The following TENM3 variants were observed in gnomAD, a reference collection of about 807,000 sequenced individuals.
The protein encoded by TENM3 is teneurin-3.
Under a neutral mutation model 255.1 loss-of-function variants are expected in TENM3, and 63 were observed. The observed-to-expected ratio is 0.25, with a 90% CI of 0.20 to 0.30. The LOEUF (loss-of-function observed/expected upper bound fraction) is 0.30. Ranked by LOEUF, TENM3 falls within the 10% of genes least tolerant of loss-of-function variation. The probability of loss-of-function intolerance (pLI) is 1.00; values close to 1 mark genes in which losing one functional copy is unlikely to be tolerated. For missense variants in TENM3, 2,929 were observed against 3,461.1 expected, an observed-to-expected ratio of 0.85 and a Z score of 3.86; for synonymous variants, 1,306 against 1,322.3, an observed-to-expected ratio of 0.99 and a Z score of 0.27.
intron 1 of TENM3, among the ~76,000 whole-genome samples, chr4:182,177,596 G>A (rs1329889122): frequency 7.3e-6 from 1 of 137,406 alleles, no homozygotes; most frequent in African/African-American, 2.5e-5. Flanking sequence ...GACATATTTG[G>A]CATACATATA....
At chr4:182,169,037 A>G (rs1359309191) in intron 1 of TENM3, among the ~76,000 whole-genome samples, 1 of 151,734 alleles carries the variant, frequency 6.6e-6, no homozygotes, top group Admixed American at 6.6e-5. Context: ...ATGAGGGAAA[A>G]CGTATATGGA....
At chr4:182,497,853 T>C (rs973266663) in intron 3 of TENM3, among the ~76,000 whole-genome samples, 2 of 12,860 alleles carry the variant, frequency 1.6e-4, no homozygotes, top group Non-Finnish European at 8.8e-4. Flanking sequence ...AATACATATA[T>C]ATATATATAT....
chr4:182,646,814 G>A (rs1035528906), intron 5 of TENM3, among the ~76,000 whole-genome samples: 4 of 152,060 alleles, frequency 2.6e-5, no homozygotes, highest in African/African-American at 9.7e-5. Flanking sequence ...AAAGATTTTA[G>A]TACAGTAATG....
At chr4:182,743,046 A>G in intron 18 of TENM3, 124 bp from the exon 19 acceptor site, 1 of 1,040,448 alleles carries the variant, frequency 9.6e-7, no homozygotes. Flanking sequence ...GGAGCTTCAA[A>G]TAAGAATGTC....
chr4:181,726,349 C>T, the TENM3 span, among the ~76,000 whole-genome samples: 252 of 152,128 alleles, frequency 1.7e-3, 1 homozygote, highest in African/African-American at 5.7e-3. Flanking sequence ...GTCTGCTGTT[C>T]CAGGCCTGTA....
intron 22 of TENM3, among the ~76,000 whole-genome samples, chr4:182,763,689 A>AGGTT (rs1276186249): frequency 2.0e-5 from 3 of 152,240 alleles, no homozygotes; most frequent in African/African-American, 7.2e-5. Context: ...AATAAAAGAA[A>AGGTT]GGTTACAGGA....
chr4:182,127,662 A>G, the TENM3 span, among the ~76,000 whole-genome samples: 5 of 152,326 alleles, frequency 3.3e-5, no homozygotes, highest in South Asian at 1.0e-3. Context: ...TGCTGAAACT[A>G]TTTGCTACAT....
the TENM3 span, among the ~76,000 whole-genome samples, chr4:182,120,808 C>T: frequency 4.6e-5 from 7 of 151,888 alleles, no homozygotes; most frequent in Non-Finnish European, 8.8e-5. Context: ...GCAAGCAGAC[C>T]AGGATTCCTG....
chr4:182,212,281 A>G (rs550312276), intron 1 of TENM3, among the ~76,000 whole-genome samples: 8 of 152,344 alleles, frequency 5.3e-5, no homozygotes, highest in Non-Finnish European at 7.3e-5. Context: ...CTTGACCGCC[A>G]CATGGCTCCC....
intron 6 of TENM3, among the ~76,000 whole-genome samples, chr4:182,669,239 G>A (rs554146164): frequency 2.6e-5 from 4 of 151,876 alleles, no homozygotes; most frequent in African/African-American, 9.7e-5. Flanking sequence ...AACATAAAGA[G>A]TATTATATTA....
the TENM3 span, among the ~76,000 whole-genome samples, chr4:181,883,537 C>G: frequency 1.1e-4 from 17 of 152,094 alleles, no homozygotes. Context: ...TGCTGTGGTG[C>G]GATCTCGGCT....
At chr4:181,969,050 C>T in the TENM3 span, among the ~76,000 whole-genome samples, 1 of 151,518 alleles carries the variant, frequency 6.6e-6, no homozygotes, top group East Asian at 1.9e-4. Context: ...AATAATTTCC[C>T]CCATACACAA....
chr4:182,428,373 A>G (rs72997358), intron 3 of TENM3, among the ~76,000 whole-genome samples: 4,728 of 152,234 alleles, frequency 0.031, 238 homozygotes, highest in African/African-American at 0.11. Context: ...TAGGTACCTC[A>G]CTGTAGCCAC....
chr4:182,601,192 C>A, intron 4 of TENM3, 31 bp downstream of exon 4: 1 of 1,565,332 alleles, frequency 6.4e-7, no homozygotes, highest in Non-Finnish European at 8.8e-7. Context: ...ATAAGCTAGC[C>A]CAACCCTTTT....
At chr4:182,470,138 C>T (rs10009131) in intron 3 of TENM3, among the ~76,000 whole-genome samples, 70,002 of 151,824 alleles carry the variant, frequency 0.46, 18,067 homozygotes, top group East Asian at 0.75. Context: ...TCGTAATGGG[C>T]CCCTAAAGTC....
At chr4:181,820,492 C>CACAG in the TENM3 span, among the ~76,000 whole-genome samples, 2 of 151,268 alleles carry the variant, frequency 1.3e-5, no homozygotes, top group East Asian at 3.9e-4. Flanking sequence ...TTTAAACACA[C>CACAG]ACACACACAC....
intron 3 of TENM3, among the ~76,000 whole-genome samples, chr4:182,387,705 C>G (rs1199262984): frequency 2.6e-5 from 4 of 152,166 alleles, no homozygotes; most frequent in African/African-American, 9.6e-5. Flanking sequence ...AGCTGTAACA[C>G]TCACCGCGAA....
intron 3 of TENM3, among the ~76,000 whole-genome samples, chr4:182,595,684 A>G (rs758934824): frequency 3.1e-4 from 47 of 152,308 alleles, no homozygotes; most frequent in African/African-American, 7.9e-4. Context: ...CTGTTTGGGT[A>G]TGATGCATAA....
At chr4:181,915,732 G>A in the TENM3 span, among the ~76,000 whole-genome samples, 1 of 151,398 alleles carries the variant, frequency 6.6e-6, no homozygotes, top group South Asian at 2.1e-4. Flanking sequence ...GGAGAGGAGA[G>A]GAGAACACAG....
Sources: gnomAD v4.1 joint callset for allele counts (sites outside exome capture counted in the v4.1 genomes callset) on GRCh38, gnomAD v4.1.1 for gene constraint, MANE v1.5 for transcripts, NCBI Gene and HGNC (gene_info 2026-07-23, HGNC 2026-07-21) for gene names.